The following DDHD1 variants were observed in gnomAD, a reference collection of about 807,000 sequenced individuals.
DDHD1 encodes DDHD domain containing 1.
A neutral mutation model predicts 96.4 loss-of-function variants in DDHD1; 49 were observed. The observed-to-expected ratio is 0.51, with a 90% CI of 0.40 to 0.64. The LOEUF (loss-of-function observed/expected upper bound fraction) is 0.64. DDHD1 is among the 30% of genes least tolerant of loss of function. DDHD1 has a pLI of 0.00. For synonymous variants in DDHD1, 442 were observed against 446.5 expected (o/e 0.99, Z 0.13); for missense variants, 1,106 against 1,161.2 (o/e 0.95, Z 0.69).
intron 11 of DDHD1, 93 bp downstream of exon 11, chr14:53,054,345 T>C (rs1882854163): frequency 9.1e-7 from 1 of 1,099,666 alleles, no homozygotes; most frequent in Admixed American, 2.4e-5. Context: ...ATCTTAGAGT[T>C]GACTAGCTAG....
intron 4 of DDHD1, among the ~76,000 whole-genome samples, chr14:53,091,327 C>T (rs539393866): frequency 6.6e-6 from 1 of 152,264 alleles, no homozygotes; most frequent in East Asian, 1.9e-4. Context: ...AAATAATCCA[C>T]TGTTTTCCAC....
intron 1 of DDHD1, among the ~76,000 whole-genome samples, chr14:53,134,057 A>C (rs570215890): frequency 2.0e-5 from 3 of 152,314 alleles, no homozygotes; most frequent in African/African-American, 7.2e-5. Flanking sequence ...TAACAGTAAT[A>C]AACCTTATGA....
chr14:53,128,903 T>C (rs1369588929), intron 1 of DDHD1, among the ~76,000 whole-genome samples: 2 of 152,190 alleles, frequency 1.3e-5, no homozygotes. Context: ...CTTATGACAA[T>C]ACACCCTCCC....
chr14:53,057,963 C>G (rs1011792389), intron 9 of DDHD1, among the ~76,000 whole-genome samples: 8 of 152,140 alleles, frequency 5.3e-5, no homozygotes, highest in African/African-American at 1.4e-4. Flanking sequence ...AATTCTATTG[C>G]CTCAGCCTCC....
In DDHD1 at chr14:53,101,622, A is replaced by G. The variant is rs79998601; in HGVS notation, c.1012+2061T>C. Among the ~76,000 whole-genome samples the G allele has an allele frequency of 5.8e-4, 89 of 152,168 alleles. 5 individuals are homozygous for G. In the East Asian group the frequency reaches 0.017, roughly 29 times the overall value. On this transcript the variant is annotated intron_variant, in intron 2 of 12. Transcript: ENST00000673822. ...ATAACAAAAAATATTACGATATCCT[A>G]GAGATTGCTACCCTAGAACTGATAT...
rs60704615 is a variant in DDHD1 at position 53,113,390 on chromosome 14, CAA to C, written c.839-9536_839-9535del. Among the ~76,000 whole-genome samples, 222 of 118,146 alleles carry C rather than the reference CAA, an allele frequency of 1.9e-3. 2 individuals are homozygous for C. Among genetic ancestry groups the C allele is most frequent in the African/African-American group, 7.6e-3 (194 of 25,560 alleles). 77.5% of individuals were successfully genotyped at this position (118,146 alleles called of 152,430 possible). A position where few individuals can be genotyped will look rare whatever the true frequency, so the allele number is the denominator to read the frequency against. On this transcript the variant is annotated intron_variant, in intron 1 of 12. Coordinates refer to ENST00000673822, the MANE Select transcript of DDHD1 (RefSeq NM_001160148.2). ...TAAAAAAAAAAACCCCTGTACAAGC[CAA>C]AAAAAAAAAAAAAAAAAAAAAGTAT...
chr14:53,085,507 G>C (rs1236632550), intron 4 of DDHD1, among the ~76,000 whole-genome samples: 2 of 152,122 alleles, frequency 1.3e-5, no homozygotes, highest in Non-Finnish European at 2.9e-5. Context: ...AGGCAAACAG[G>C]GTCTGGAGTG....
Position 53,061,042 on chromosome 14 carries a change from C to T in DDHD1, c.1842+84G>A, listed in dbSNP as rs182868817. The T allele has an allele frequency of 8.8e-3, 10,568 of 1,200,876 alleles. 69 individuals are homozygous for T. The highest frequency in any genetic ancestry group is 9.6e-3 in the Non-Finnish European group (8,103 of 843,710). The allele number at this position is 1,200,876 out of a possible 1,614,324, so 74.4% of individuals were successfully genotyped here. A position where few individuals can be genotyped will look rare whatever the true frequency, so the allele number is the denominator to read the frequency against. On this transcript the variant is annotated intron_variant, in intron 8 of 12. Transcript: ENST00000673822. Reference sequence around the variant, plus strand: ...TTATTTTGAAAGAACAATAAACTTTCATTTGAATCCTAAAGGCATATTTCA... The same window carrying T: ...TTATTTTGAAAGAACAATAAACTTTTATTTGAATCCTAAAGGCATATTTCA...
intron 1 of DDHD1, among the ~76,000 whole-genome samples, chr14:53,146,231 C>T (rs1159671083): frequency 2.1e-5 from 3 of 143,522 alleles, no homozygotes; most frequent in South Asian, 2.2e-4. Flanking sequence ...AGGCCGGGCG[C>T]GGTGGCTTAC....
intron 1 of DDHD1, among the ~76,000 whole-genome samples, chr14:53,105,374 C>T (rs1027831305): frequency 6.6e-6 from 1 of 151,506 alleles, no homozygotes; most frequent in Non-Finnish European, 1.5e-5. Context: ...CAGATTTGTA[C>T]TGTGATGTAT....
At chr14:53,123,853 A>G (rs567236672) in intron 1 of DDHD1, among the ~76,000 whole-genome samples, 4 of 152,234 alleles carry the variant, frequency 2.6e-5, no homozygotes, top group Non-Finnish European at 4.4e-5. Flanking sequence ...GATGCTGATT[A>G]TATTTTTTTA....
Position 53,054,453 on chromosome 14 carries a change from A to G in DDHD1, c.2422T>C (p.Phe808Leu). The stretch of plus-strand genomic sequence containing the variant: ...ATGAACTAACATGCAGAATCGAGGA[A>G]GCCAGAACTGCTATGTGGAAGGGTC... ...TQTLPHSSSG[F>L]LDSAYFRLQE... is the part of the protein sequence containing the mutation. Residue 808 changes from phenylalanine to leucine, a missense_variant, in exon 11 of 13, where the codon TTC (phenylalanine) becomes CTC (leucine). This residue lies in a region of DDHD1 where 650 missense variants were observed against 758.8 expected (regional missense o/e 0.86). Coordinates refer to ENST00000673822, the MANE Select transcript of DDHD1 (RefSeq NM_001160148.2). 1.2e-6 allele frequency: 2 copies of G among 1,614,008 alleles called. No homozygotes were observed. The highest frequency in any genetic ancestry group is 2.2e-5 in the South Asian group (2 of 91,056).
intron 1 of DDHD1, among the ~76,000 whole-genome samples, chr14:53,143,594 A>G (rs199835986): frequency 6.6e-6 from 1 of 152,218 alleles, no homozygotes; most frequent in Non-Finnish European, 1.5e-5. Context: ...CTAGCGACTT[A>G]GAACTTTTTA....
intron 11 of DDHD1, chr14:53,053,036 T>A (rs569402276): frequency 6.6e-6 from 1 of 151,858 alleles, no homozygotes; most frequent in South Asian, 2.1e-4. Flanking sequence ...ATACATACGT[T>A]TTCATTACCC....
intron 4 of DDHD1, among the ~76,000 whole-genome samples, chr14:53,088,924 A>C (rs1383818601): frequency 1.3e-5 from 2 of 152,172 alleles, no homozygotes; most frequent in African/African-American, 4.8e-5. Flanking sequence ...AGAAAACCCC[A>C]TTGTCTCAGC....
intron 1 of DDHD1, among the ~76,000 whole-genome samples, chr14:53,111,461 G>A (rs1447088550): frequency 1.3e-5 from 2 of 151,808 alleles, no homozygotes; most frequent in African/African-American, 4.8e-5. Flanking sequence ...TGTAGTTAAC[G>A]TGCTTACAGC....
chr14:53,135,301 G>T (rs1452452085), intron 1 of DDHD1, among the ~76,000 whole-genome samples: 1 of 152,120 alleles, frequency 6.6e-6, no homozygotes, highest in Non-Finnish European at 1.5e-5. Context: ...CCACCCTTGT[G>T]ATAATGCACT....
intron 2 of DDHD1, 64 bp downstream of exon 2, chr14:53,103,619 C>T: frequency 2.2e-6 from 3 of 1,338,668 alleles, no homozygotes; most frequent in Non-Finnish European, 3.0e-6. Flanking sequence ...TTACAAACCA[C>T]TCTAAACTTT....
In DDHD1 at chr14:53,043,368, A is replaced by T. The variant is rs1433616573; in HGVS notation, c.*3400T>A. 2 of 151,610 alleles carry T rather than the reference A, an allele frequency of 1.3e-5. No individual in the cohort carries two copies. The highest frequency in any genetic ancestry group is 4.9e-5 in the African/African-American group (2 of 41,156). 9.4% of individuals were successfully genotyped at this position (151,610 alleles called of 1,614,324 possible). A position where few individuals can be genotyped will look rare whatever the true frequency, so the allele number is the denominator to read the frequency against. ...GATTCCTAAGGCTTGCTTCACATAC[A>T]AAAGAGCAGTTATTAGAACATCCAG... is the stretch of plus-strand genomic sequence containing the variant. On this transcript the variant is annotated 3_prime_UTR_variant, in exon 13 of 13. Coordinates refer to ENST00000673822, the MANE Select transcript of DDHD1 (RefSeq NM_001160148.2).
Sources: gnomAD v4.1 joint callset for allele counts (sites outside exome capture counted in the v4.1 genomes callset) on GRCh38, gnomAD v4.1.1 for gene constraint, gnomAD v4.1.1 regional missense constraint, MANE v1.5 for transcripts, NCBI Gene and HGNC (gene_info 2026-07-23, HGNC 2026-07-21) for gene names.